CYTIP: variants seen among roughly 807,000 people sequenced by gnomAD.
CYTIP encodes cytohesin 1 interacting protein.
CYTIP carries 26 observed loss-of-function variants against 43.8 expected under a neutral mutation model. That is an observed-to-expected ratio of 0.59 (90% CI 0.44 to 0.82). The LOEUF is 0.82. Ranked by LOEUF, CYTIP falls within the 40% of genes least tolerant of loss-of-function variation. CYTIP has a pLI of 0.00. For synonymous variants in CYTIP, 162 were observed against 162.9 expected, an observed-to-expected ratio of 0.99 and a Z score of 0.04; for missense variants, 426 against 443.1, an observed-to-expected ratio of 0.96 and a Z score of 0.35.
chr2:157,430,189 A>G (rs1461992782), intron 5 of CYTIP, among the ~76,000 whole-genome samples: 1 of 152,082 alleles, frequency 6.6e-6, no homozygotes. Context: ...AGCCCTTCTG[A>G]CCTTTGATTT....
At chr2:157,424,871 C>CTAT (rs1489998693) in intron 6 of CYTIP, among the ~76,000 whole-genome samples, 3 of 152,046 alleles carry the variant, frequency 2.0e-5, no homozygotes, top group Non-Finnish European at 4.4e-5. Context: ...ATTAGAAAGC[C>CTAT]TATAAGCAAA....
chr2:157,430,713 G>T, intron 4 of CYTIP, 61 bp from the exon 5 acceptor site: 2 of 1,528,708 alleles, frequency 1.3e-6, no homozygotes, highest in South Asian at 1.1e-5. Context: ...CTCCTGACAT[G>T]CAAATGAAAC....
At chr2:157,439,393 C>T (rs79614104) in intron 1 of CYTIP, 5,545 of 152,114 alleles carry the variant, frequency 0.036, 182 homozygotes, top group African/African-American at 0.087. Flanking sequence ...CTAGCTCACA[C>T]ACCAAACTAC....
At chr2:157,443,544 G>A (rs1355856530) in intron 1 of CYTIP, among the ~76,000 whole-genome samples, 1 of 152,098 alleles carries the variant, frequency 6.6e-6, no homozygotes, top group African/African-American at 2.4e-5. Flanking sequence ...TTCTCATACT[G>A]GTTGTATCTA....
intron 1 of CYTIP, among the ~76,000 whole-genome samples, chr2:157,440,868 T>C (rs1685896809): frequency 6.6e-6 from 1 of 152,156 alleles, no homozygotes; most frequent in African/African-American, 2.4e-5. Context: ...CACTACTTCT[T>C]TGACATCATT....
chr2:157,418,235 G>T (rs1249398995), intron 7 of CYTIP, among the ~76,000 whole-genome samples: 1 of 152,074 alleles, frequency 6.6e-6, no homozygotes, highest in African/African-American at 2.4e-5. Context: ...GGAAAGTTAG[G>T]CAATCTTCCC....
intron 7 of CYTIP, among the ~76,000 whole-genome samples, chr2:157,417,183 G>C (rs1432693753): frequency 6.6e-6 from 1 of 152,146 alleles, no homozygotes; most frequent in African/African-American, 2.4e-5. Flanking sequence ...TGATTTGCAA[G>C]GTTGAGTACA....
In CYTIP at chr2:157,439,009, T is replaced by C. The variant is rs1352700620; in HGVS notation, c.175-4262A>G. On this transcript the variant is annotated intron_variant, in intron 1 of 7. Coordinates refer to ENST00000264192, the MANE Select transcript of CYTIP (RefSeq NM_004288.5). Reference sequence around the variant, plus strand: ...AATCTTTTAAACCACAGGACAGACCTGAAGCCTCTATAGATATTTCCCCCA... The same window carrying C: ...AATCTTTTAAACCACAGGACAGACCCGAAGCCTCTATAGATATTTCCCCCA... 8.5e-6 allele frequency: 3 copies of C among 351,316 alleles called. No individual in the cohort carries two copies. The East Asian group carries it at 2.6e-4, about 31-fold the overall frequency. The allele number at this position is 351,316 out of a possible 1,614,324, so 21.8% of individuals were successfully genotyped here. A position where few individuals can be genotyped will look rare whatever the true frequency, so the allele number is the denominator to read the frequency against.
chr2:157,443,884 G>A lies in CYTIP; in HGVS notation c.137C>T (p.Ala46Val). 1.2e-6 allele frequency: 2 copies of A among 1,614,132 alleles called. No individual in the cohort carries two copies. Among genetic ancestry groups the A allele is most frequent in the Non-Finnish European group, 1.7e-6 (2 of 1,179,998 alleles). The change falls in exon 1 of 8, where the codon GCA (alanine) becomes GTA (valine). Residue 46 changes from alanine to valine, a missense_variant. Transcript: ENST00000264192. ...MDDNRRIQML[A>V]DTVATLPRGR... Reference sequence around the variant, plus strand: ...CCGAGGCAGAGTAGCCACCGTGTCTGCTAGCATTTGAATCCTTCTATTATC... The same window carrying A: ...CCGAGGCAGAGTAGCCACCGTGTCTACTAGCATTTGAATCCTTCTATTATC...
chr2:157,417,023 T>C (rs963157607), intron 7 of CYTIP, among the ~76,000 whole-genome samples: 3 of 151,958 alleles, frequency 2.0e-5, no homozygotes, highest in Admixed American at 2.0e-4. Flanking sequence ...AATACCAGCC[T>C]TGGAAAAACG....
At chr2:157,437,453 C>G (rs771357231) in intron 1 of CYTIP, among the ~76,000 whole-genome samples, 1 of 152,030 alleles carries the variant, frequency 6.6e-6, no homozygotes, top group Non-Finnish European at 1.5e-5. Flanking sequence ...GTAATCCCAG[C>G]ACTTTGGGAG....
At chr2:157,428,892 A>G (rs2105139277) in intron 5 of CYTIP, among the ~76,000 whole-genome samples, 1 of 152,360 alleles carries the variant, frequency 6.6e-6, no homozygotes, top group Non-Finnish European at 1.5e-5. Flanking sequence ...AGCATCCAGC[A>G]GATTTTCTAC....
chr2:157,430,908 A>G lies in CYTIP; in HGVS notation c.334T>C (p.Cys112Arg). The G allele has an allele frequency of 6.2e-7, 1 of 1,613,992 alleles. No individual in the cohort carries two copies. The highest frequency in any genetic ancestry group is 8.5e-7 in the Non-Finnish European group (1 of 1,179,982). ...ACSSEMFTLI[C>R]KIQEDSPAHC... ...GCTGGGCTGTCCTCCTGTATTTTGC[A>G]TATCAAAGTGAACATTTCCGAGGAG... Residue 112 changes from cysteine to arginine, a missense_variant, in exon 4 of 8, where the codon TGC (cysteine) becomes CGC (arginine). Transcript: ENST00000264192.
intron 1 of CYTIP, chr2:157,439,010 G>T: frequency 2.9e-6 from 1 of 349,528 alleles, no homozygotes; most frequent in Non-Finnish European, 6.4e-6. Context: ...GGACAGACCT[G>T]AAGCCTCTAT....
Position 157,415,570 on chromosome 2 carries a change from T to C in CYTIP, c.*107A>G. 1 of 700,824 alleles carries C rather than the reference T, an allele frequency of 1.4e-6. No individual in the cohort carries two copies. 43.4% of individuals were successfully genotyped at this position (700,824 alleles called of 1,614,324 possible). ...AATAAAGGTCACTATTGCTGTGAAA[T>C]GGGATGTCAGTTTTGCAATTCTTCT... On this transcript the variant is annotated 3_prime_UTR_variant, in exon 8 of 8. Transcript: ENST00000264192.
rs1289846616 is a variant in CYTIP, at chr2:157,415,803, C to G, written c.954G>C (p.Glu318Asp). ...TCCCAAACATGCTTGATAAGTTGCC[C>G]TCCCACAAGGGAGACATGGATCCGC... ...TSSGSMSPLW[E>D]GNLSSMFGTL... Residue 318 changes from glutamate to aspartate, a missense_variant, in exon 8 of 8, where the codon GAG becomes GAC. Physicochemically the swap from Glu to Asp is conservative, Grantham distance 45. Transcript: ENST00000264192. 4 of 1,614,110 alleles carry G rather than the reference C, an allele frequency of 2.5e-6. No homozygotes were observed. In the Admixed American group the frequency reaches 6.7e-5, roughly 27 times the overall value.
intron 6 of CYTIP, among the ~76,000 whole-genome samples, chr2:157,425,773 T>G (rs563099310): frequency 6.6e-6 from 1 of 152,252 alleles, no homozygotes; most frequent in Non-Finnish European, 1.5e-5. Context: ...TTATCTTTCT[T>G]TTGCAAAAAC....
At chr2:157,437,000 T>C (rs1685818728) in intron 1 of CYTIP, among the ~76,000 whole-genome samples, 1 of 152,128 alleles carries the variant, frequency 6.6e-6, no homozygotes, top group South Asian at 2.1e-4. Flanking sequence ...GACAACTGTA[T>C]ATCCATATGC....
intron 6 of CYTIP, among the ~76,000 whole-genome samples, chr2:157,419,303 T>C (rs1160970171): frequency 6.6e-6 from 1 of 152,142 alleles, no homozygotes; most frequent in Non-Finnish European, 1.5e-5. Context: ...TGGACAGCTA[T>C]TTATTTTCCA....
Sources: gnomAD v4.1 joint callset for allele counts (sites outside exome capture counted in the v4.1 genomes callset) on GRCh38, gnomAD v4.1.1 for gene constraint, MANE v1.5 for transcripts, NCBI Gene and HGNC (gene_info 2026-07-23, HGNC 2026-07-21) for gene names.